Variants in TLN2 observed in about 807,000 individuals in gnomAD.
TLN2 encodes talin-2.
TLN2 carries 118 observed loss-of-function variants against 294.7 expected under a neutral mutation model. That is an observed-to-expected ratio of 0.40 (90% CI 0.34 to 0.47). The LOEUF (loss-of-function observed/expected upper bound fraction) is 0.47. Ranked by LOEUF, TLN2 falls within the 20% of genes least tolerant of loss-of-function variation. The pLI, the probability that TLN2 is intolerant of heterozygous loss-of-function variation, is 0.84. For missense variants in TLN2, 3,083 were observed against 3,282.2 expected, an observed-to-expected ratio of 0.94 and a Z score of 1.48; for synonymous variants, 1,431 against 1,304.5, an observed-to-expected ratio of 1.10 and a Z score of -2.09.
intron 1 of TLN2, among the ~76,000 whole-genome samples, chr15:62,486,465 T>G (rs890896692): frequency 4.6e-5 from 7 of 151,152 alleles, no homozygotes; most frequent in South Asian, 2.1e-4. Context: ...TTTTTTTTTT[T>G]TTTTTTTTTT....
chr15:62,754,059 C>T (rs932004458), intron 36 of TLN2, 143 bp downstream of exon 36: 1 of 1,161,056 alleles, frequency 8.6e-7, no homozygotes, highest in African/African-American at 1.6e-5. Flanking sequence ...TAGATAATGA[C>T]TCAGGTGGGA....
intron 1 of TLN2, among the ~76,000 whole-genome samples, chr15:62,395,819 A>T (rs2032497872): frequency 6.6e-6 from 1 of 152,040 alleles, no homozygotes; most frequent in Non-Finnish European, 1.5e-5. Context: ...ATGTTGCATG[A>T]CCGTATTTCT....
intron 42 of TLN2, among the ~76,000 whole-genome samples, chr15:62,772,506 G>T (rs1276781970): frequency 6.6e-6 from 1 of 152,058 alleles, no homozygotes; most frequent in East Asian, 1.9e-4. Flanking sequence ...ACCCTCAAAG[G>T]GGTGCCTCCC....
intron 22 of TLN2, among the ~76,000 whole-genome samples, chr15:62,714,495 C>A (rs1418843020): frequency 6.6e-6 from 1 of 152,106 alleles, no homozygotes; most frequent in Non-Finnish European, 1.5e-5. Context: ...AGCCACCGCG[C>A]CCAGCCACGT....
intron 1 of TLN2, among the ~76,000 whole-genome samples, chr15:62,547,784 C>A (rs2042074861): frequency 6.6e-6 from 1 of 152,188 alleles, no homozygotes; most frequent in African/African-American, 2.4e-5. Flanking sequence ...AATTTCTGAT[C>A]CTCATCCAGC....
chr15:62,439,300 T>G (rs1371298186), intron 1 of TLN2, among the ~76,000 whole-genome samples: 1 of 152,120 alleles, frequency 6.6e-6, no homozygotes, highest in Non-Finnish European at 1.5e-5. Context: ...ATACAGAACA[T>G]TTGACCTATC....
intron 54 of TLN2, among the ~76,000 whole-genome samples, chr15:62,821,533 A>G (rs2067570598): frequency 6.6e-6 from 1 of 152,272 alleles, no homozygotes; most frequent in African/African-American, 2.4e-5. Flanking sequence ...AGACCACTCA[A>G]AAGCAGTGCC....
chr15:62,826,380 C>T (rs879450005), intron 54 of TLN2, among the ~76,000 whole-genome samples: 26 of 152,146 alleles, frequency 1.7e-4, no homozygotes, highest in Non-Finnish European at 2.6e-4. Flanking sequence ...TCCTCGGATG[C>T]GGAGGGTGTG....
chr15:62,490,764 T>C (rs2038662151), intron 1 of TLN2, among the ~76,000 whole-genome samples: 1 of 152,196 alleles, frequency 6.6e-6, no homozygotes. Context: ...CTGTGTTTGA[T>C]ACAGAAATGC....
intron 14 of TLN2, 128 bp from the exon 15 acceptor site, chr15:62,697,560 C>A: frequency 1.0e-6 from 1 of 959,840 alleles, no homozygotes; most frequent in Non-Finnish European, 1.5e-6. Context: ...GCTTCTCAGT[C>A]TGTATGTGCC....
intron 1 of TLN2, among the ~76,000 whole-genome samples, chr15:62,398,308 T>G (rs1566941567): frequency 6.6e-6 from 1 of 152,158 alleles, no homozygotes; most frequent in Non-Finnish European, 1.5e-5. Context: ...CCTTCCACCA[T>G]GTTTGTAAGT....
intron 1 of TLN2, among the ~76,000 whole-genome samples, chr15:62,421,942 T>C (rs999043324): frequency 6.6e-6 from 1 of 151,816 alleles, no homozygotes; most frequent in Non-Finnish European, 1.5e-5. Context: ...TGGATAAGAT[T>C]TTAGGGAATC....
At chr15:62,731,017 C>T (rs185948827) in intron 28 of TLN2, among the ~76,000 whole-genome samples, 53 of 152,192 alleles carry the variant, frequency 3.5e-4, no homozygotes, top group East Asian at 9.6e-4. Flanking sequence ...TCTCAGTATC[C>T]GCTTTTGATC....
intron 1 of TLN2, among the ~76,000 whole-genome samples, chr15:62,508,451 G>A (rs2039751521): frequency 6.6e-6 from 1 of 152,138 alleles, no homozygotes; most frequent in South Asian, 2.1e-4. Context: ...TCCTGACCTT[G>A]TGATCCACCC....
At chr15:62,678,450 G>C (rs567906294) in intron 11 of TLN2, among the ~76,000 whole-genome samples, 1 of 152,300 alleles carries the variant, frequency 6.6e-6, no homozygotes, top group African/African-American at 2.4e-5. Flanking sequence ...TAAAATGCTG[G>C]AATATAAGTG....
rs774480791 is a variant in TLN2, at chr15:62,609,215, CA to C, written c.-161-9135del. Among the ~76,000 whole-genome samples, 102 of 152,166 alleles carry C rather than the reference CA, an allele frequency of 6.7e-4. 1 individual carries two copies. The highest frequency in any genetic ancestry group is 1.9e-4 in the Non-Finnish European group (13 of 68,032). ...ACTCACAGAGAAGCTGAAAATACAG[CA>C]CAAAAGAAGGTTTCTGAACCATTTG... On this transcript the variant is annotated intron_variant, in intron 2 of 58. Coordinates refer to ENST00000636159, the MANE Select transcript of TLN2 (RefSeq NM_015059.3).
chr15:62,716,387 A>G lies in TLN2; in HGVS notation c.2691A>G (p.Ala897=), dbSNP rs761630472. Residue 897 remains alanine (A), a synonymous_variant, in exon 23 of 59, where the codon GCA becomes GCG. Coordinates refer to ENST00000636159, the MANE Select transcript of TLN2 (RefSeq NM_015059.3). ...AGCAGCAAAGGCTGAGAGAAGCTGCAGAAGGCCTCCGGGTAGCAACCAACG... is the reference window on the plus strand; with the variant it reads ...AGCAGCAAAGGCTGAGAGAAGCTGCGGAAGGCCTCCGGGTAGCAACCAACG... ...EDQQQRLREA[A]EGLRVATNAA... 1.2e-6 allele frequency: 2 copies of G among 1,611,586 alleles called. No homozygotes were observed. The highest frequency in any genetic ancestry group is 2.2e-5 in the East Asian group (1 of 44,600).
At chr15:62,517,846 T>C (rs1354090474) in intron 1 of TLN2, among the ~76,000 whole-genome samples, 5 of 152,184 alleles carry the variant, frequency 3.3e-5, no homozygotes, top group African/African-American at 1.2e-4. Flanking sequence ...TGGGAGACTC[T>C]GTAGCCATGT....
At chr15:62,457,888 C>T (rs765397860) in intron 1 of TLN2, among the ~76,000 whole-genome samples, 13 of 152,134 alleles carry the variant, frequency 8.5e-5, no homozygotes, top group African/African-American at 1.9e-4. Flanking sequence ...TGGATTCCTA[C>T]GGGTTTTCCT....
Sources: gnomAD v4.1 joint callset for allele counts (sites outside exome capture counted in the v4.1 genomes callset) on GRCh38, gnomAD v4.1.1 for gene constraint, MANE v1.5 for transcripts, NCBI Gene and HGNC (gene_info 2026-07-23, HGNC 2026-07-21) for gene names.